The following TOX variants were observed in gnomAD, a reference collection of about 807,000 sequenced individuals.
TOX encodes thymocyte selection associated high mobility group box.
Under a neutral mutation model 53.7 loss-of-function variants are expected in TOX, and 11 were observed. The observed-to-expected ratio is 0.20, with a 90% confidence interval of 0.13 to 0.34. The LOEUF (loss-of-function observed/expected upper bound fraction) is 0.34, where lower values mean the gene tolerates loss of function less well. TOX is among the 10% of genes least tolerant of loss of function. The probability of loss-of-function intolerance (pLI) is 1.00; values close to 1 mark genes in which losing one functional copy is unlikely to be tolerated. For missense variants in TOX, 570 were observed against 664.6 expected, an observed-to-expected ratio of 0.86 and a Z score of 1.56; for synonymous variants, 225 against 245.3, an observed-to-expected ratio of 0.92 and a Z score of 0.77.
Position 58,851,435 on chromosome 8 carries a change from C to T in TOX, c.693+89G>A. Reference sequence around the variant, plus strand: ...AGGTGTCTCCCTCCAATGTTTCTCGCATGGATGATATAAACTTGTACCCAG... The same window carrying T: ...AGGTGTCTCCCTCCAATGTTTCTCGTATGGATGATATAAACTTGTACCCAG... On this transcript the variant is annotated intron_variant, in intron 4 of 8. Transcript: ENST00000361421. The surrounding 1 kb of genome is among the most constrained non-coding windows in gnomAD (Gnocchi z 4.4). 1 of 1,446,084 alleles carries T rather than the reference C, an allele frequency of 6.9e-7. No homozygotes were observed. Among genetic ancestry groups the T allele is most frequent in the Non-Finnish European group, 9.5e-7 (1 of 1,055,426 alleles). The allele number at this position is 1,446,084 out of a possible 1,614,324, so 89.6% of individuals were successfully genotyped here.
intron 6 of TOX, among the ~76,000 whole-genome samples, chr8:58,820,274 C>T (rs1171254813): frequency 8.5e-6 from 1 of 118,170 alleles, no homozygotes; most frequent in Non-Finnish European, 1.7e-5. Context: ...CTGTTCTGTA[C>T]GTTAAAAAAA....
At chr8:59,092,267 A>ATATATATATATAATATATACAT (rs1804623765) in intron 1 of TOX, among the ~76,000 whole-genome samples, 1 of 89,242 alleles carries the variant, frequency 1.1e-5, no homozygotes, top group African/African-American at 8.6e-5. Context: ...TATATATTTT[A>ATATATATATATAATATATACAT]TATATATATA....
chr8:59,109,958 C>T (rs745481342), intron 1 of TOX, among the ~76,000 whole-genome samples: 3 of 152,114 alleles, frequency 2.0e-5, no homozygotes, highest in Non-Finnish European at 4.4e-5. Context: ...AACTAGAAAA[C>T]CTGCTTTGGG....
At position 58,838,304 on chromosome 8, in the gene TOX, C is replaced by A; in HGVS notation, c.701G>T (p.Gly234Val). 1 of 1,612,210 alleles carries A rather than the reference C, an allele frequency of 6.2e-7. No homozygotes were observed. ...DEGDDTSKIN[G>V]GEKRPASDMG... ...ATCAGAGGCAGGCCGCTTCTCTCCA[C>A]CATTGATCTGAAAGAGAAATCAAAA... is the stretch of plus-strand genomic sequence containing the variant. The change falls in exon 5 of 9, where the codon GGT becomes GTT. Residue 234 changes from glycine to valine, a missense_variant. This residue lies in a region of TOX where 282 missense variants were observed against 315.0 expected (regional missense o/e 0.90). Coordinates refer to ENST00000361421, the MANE Select transcript of TOX (RefSeq NM_014729.3).
intron 3 of TOX, among the ~76,000 whole-genome samples, chr8:58,922,039 A>C (rs1051726046): frequency 6.6e-6 from 1 of 152,204 alleles, no homozygotes; most frequent in African/African-American, 2.4e-5. Flanking sequence ...GTTGGATCAT[A>C]GAATGCCGTG....
At chr8:58,853,799 A>C (rs1054451942) in intron 3 of TOX, among the ~76,000 whole-genome samples, 1 of 152,226 alleles carries the variant, frequency 6.6e-6, no homozygotes, top group African/African-American at 2.4e-5. Flanking sequence ...TAACTTCTAC[A>C]ATCTGATCTT....
intron 1 of TOX, among the ~76,000 whole-genome samples, chr8:59,018,798 T>C (rs1301542733): frequency 6.6e-6 from 1 of 152,148 alleles, no homozygotes; most frequent in Non-Finnish European, 1.5e-5. Flanking sequence ...TTCTTGCTGA[T>C]TAAAAAAACC....
chr8:58,930,874 G>C (rs1011777072), intron 3 of TOX, among the ~76,000 whole-genome samples: 1 of 152,120 alleles, frequency 6.6e-6, no homozygotes, highest in Admixed American at 6.5e-5. Flanking sequence ...ACTAATGACT[G>C]AAAGCTCATG....
chr8:59,082,642 G>A (rs532600876), intron 1 of TOX, among the ~76,000 whole-genome samples: 8 of 152,248 alleles, frequency 5.3e-5, no homozygotes, highest in African/African-American at 1.9e-4. Flanking sequence ...TAAGGGAAAA[G>A]GAACCTAATA....
At chr8:58,885,156 TG>T (rs1662856685) in intron 3 of TOX, among the ~76,000 whole-genome samples, 1 of 152,166 alleles carries the variant, frequency 6.6e-6, no homozygotes, top group African/African-American at 2.4e-5. Flanking sequence ...ATGGGTTATA[TG>T]TGATGTATAT....
chr8:59,047,384 T>A (rs1461121534), intron 1 of TOX, among the ~76,000 whole-genome samples: 1 of 147,512 alleles, frequency 6.8e-6, no homozygotes, highest in African/African-American at 2.5e-5. Context: ...GCCCAGCTAA[T>A]TTTTTTTTTA....
At chr8:59,001,920 ATC>A (rs1446209908) in intron 1 of TOX, among the ~76,000 whole-genome samples, 1 of 151,406 alleles carries the variant, frequency 6.6e-6, no homozygotes, top group African/African-American at 2.4e-5. Context: ...CAGTAAAAGT[ATC>A]TCTCTATTGT....
intron 3 of TOX, among the ~76,000 whole-genome samples, chr8:58,937,454 T>C (rs1427893240): frequency 6.6e-6 from 1 of 152,194 alleles, no homozygotes; most frequent in East Asian, 1.9e-4. Context: ...AAATGGCCTA[T>C]CTTGTGGCTG....
chr8:59,082,398 C>T (rs1345063921), intron 1 of TOX, among the ~76,000 whole-genome samples: 1 of 152,248 alleles, frequency 6.6e-6, no homozygotes, highest in Non-Finnish European at 1.5e-5. Flanking sequence ...TCAAATTGCA[C>T]TGCGAAATTC....
At chr8:58,935,802 A>C (rs900397130) in intron 3 of TOX, among the ~76,000 whole-genome samples, 1 of 152,244 alleles carries the variant, frequency 6.6e-6, no homozygotes, top group African/African-American at 2.4e-5. Flanking sequence ...TTTTACAAGG[A>C]AGTGTGATGA....
intron 1 of TOX, among the ~76,000 whole-genome samples, chr8:59,114,658 A>G (rs759698682): frequency 2.0e-5 from 3 of 152,168 alleles, no homozygotes; most frequent in Admixed American, 1.3e-4. Context: ...ATGATGCTCT[A>G]AACTGCTTAT....
intron 1 of TOX, among the ~76,000 whole-genome samples, chr8:59,025,585 C>G (rs1483136494): frequency 1.3e-5 from 2 of 152,138 alleles, no homozygotes; most frequent in Non-Finnish European, 2.9e-5. Flanking sequence ...ACATTTTAAA[C>G]ACACCTACTG....
chr8:59,008,125 A>G (rs1813826390), intron 1 of TOX, among the ~76,000 whole-genome samples: 2 of 152,210 alleles, frequency 1.3e-5, no homozygotes, highest in Admixed American at 1.3e-4. Context: ...CATCAAATGA[A>G]AACAGTTTTT....
chr8:59,045,663 T>C (rs1446078972), intron 1 of TOX, among the ~76,000 whole-genome samples: 1 of 152,164 alleles, frequency 6.6e-6, no homozygotes, highest in East Asian at 1.9e-4. Flanking sequence ...ACCCAATGCA[T>C]GCTCAAAACA....
Sources: allele counts gnomAD v4.1 joint callset (sites outside exome capture counted in the v4.1 genomes callset), GRCh38; gene constraint gnomAD v4.1.1; regional missense constraint gnomAD v4.1.1; non-coding constraint Gnocchi (gnomAD v3.1); transcripts MANE v1.5; gene names NCBI Gene and HGNC (gene_info 2026-07-23, HGNC 2026-07-21).